Variants in SNAI3 observed in about 807,000 individuals in gnomAD.
The protein encoded by SNAI3 is zinc finger protein SNAI3.
A neutral mutation model predicts 16.4 loss-of-function variants in SNAI3; 21 were observed. That is an observed-to-expected ratio of 1.28 (90% CI 0.91 to 1.85). SNAI3 has a LOEUF of 1.85. Among genes scored for constraint, SNAI3 ranks in the 40% most tolerant of loss-of-function variants. The pLI is 0.00. For missense variants in SNAI3, 457 were observed against 372.8 expected (o/e 1.23, Z -1.86); for synonymous variants, 202 against 166.6 (o/e 1.21, Z -1.64).
rs778361167 is a variant in SNAI3, at chr16:88,681,383, C to A, written c.408G>T (p.Pro136=). Residue 136 remains proline (P), a synonymous_variant, in exon 2 of 3, where the codon CCG becomes CCT. Transcript: ENST00000332281. This position sits in a 1 kb window ranked among gnomAD's most constrained non-coding sequence, Gnocchi z 5.4. ...TCCGCTCAGCCCCAAGCAGTTTTTCCGGAGCCCCGTGCCGGTCTGGGCCCA... is the reference window on the plus strand; with the variant it reads ...TCCGCTCAGCCCCAAGCAGTTTTTCAGGAGCCCCGTGCCGGTCTGGGCCCA... ...PTLGPDRHGA[P]EKLLGAERMP... The A allele has an allele frequency of 6.2e-7, 1 of 1,612,516 alleles. No individual in the cohort carries two copies. Among genetic ancestry groups the A allele is most frequent in the Non-Finnish European group, 8.5e-7 (1 of 1,179,302 alleles).
chr16:88,684,002 A>G (rs1909270864), intron 1 of SNAI3, among the ~76,000 whole-genome samples: 1 of 152,192 alleles, frequency 6.6e-6, no homozygotes, highest in South Asian at 2.1e-4. Flanking sequence ...AAAAATTGAC[A>G]ATAACCAGTG....
intron 2 of SNAI3, among the ~76,000 whole-genome samples, chr16:88,680,826 C>G (rs1183265664): frequency 6.6e-6 from 1 of 152,146 alleles, no homozygotes; most frequent in Non-Finnish European, 1.5e-5. Flanking sequence ...GAACCCCTGG[C>G]TTGAAGTGAT....
Position 88,681,885 on chromosome 16 carries a change from G to T in SNAI3, c.77-171C>A, listed in dbSNP as rs932786696. Among the ~76,000 whole-genome samples the T allele has an allele frequency of 6.6e-6, 1 of 152,202 alleles. No individual in the cohort carries two copies. The highest frequency in any genetic ancestry group is 1.5e-5 in the Non-Finnish European group (1 of 68,034). On this transcript the variant is annotated intron_variant, in intron 1 of 2. Coordinates refer to ENST00000332281, the MANE Select transcript of SNAI3 (RefSeq NM_178310.4). This position sits in a 1 kb window ranked among gnomAD's most constrained non-coding sequence, Gnocchi z 5.4. ...CTTGCAAGGGAGCTGGCGGTGCTGT[G>T]CAGGGAAGTGACAGCGTGGCCAGGA...
At chr16:88,683,692 G>C (rs543222637) in intron 1 of SNAI3, among the ~76,000 whole-genome samples, 1 of 151,954 alleles carries the variant, frequency 6.6e-6, no homozygotes, top group African/African-American at 2.4e-5. Context: ...TGATAGCTGG[G>C]ATTACAGACA....
chr16:88,683,763 G>A (rs1241262153), intron 1 of SNAI3, among the ~76,000 whole-genome samples: 1 of 151,742 alleles, frequency 6.6e-6, no homozygotes, highest in Non-Finnish European at 1.5e-5. Context: ...TGCCACATTG[G>A]CCAGACTCGT....
At chr16:88,679,697 G>T (rs1398142885) in intron 2 of SNAI3, among the ~76,000 whole-genome samples, 2 of 145,758 alleles carry the variant, frequency 1.4e-5, no homozygotes, top group Non-Finnish European at 3.0e-5. Flanking sequence ...AGGAGGCGGG[G>T]CTTGCAGTGA....
In SNAI3 at chr16:88,681,301, G is replaced by C. The variant is rs780826279; in HGVS notation, c.490C>G (p.Leu164Val). 1.2e-6 allele frequency: 2 copies of C among 1,613,324 alleles called. No homozygotes were observed. The highest frequency in any genetic ancestry group is 2.2e-5 in the East Asian group (1 of 44,864). The part of the protein sequence containing the change: ...CFHCHKPYHT[L>V]AGLARHRQLH... Reference sequence around the variant, plus strand: ...TGCCGGTGCCTGGCCAGCCCGGCCAGCGTGTGGTAGGGTTTGTGGCAGTGG... The same window carrying C: ...TGCCGGTGCCTGGCCAGCCCGGCCACCGTGTGGTAGGGTTTGTGGCAGTGG... Residue 164 changes from leucine (L) to valine (V), a missense_variant, in exon 2 of 3, where the codon CTG becomes GTG. Leu to Val is a conservative substitution (Grantham distance 32). Transcript: ENST00000332281. This position sits in a 1 kb window ranked among gnomAD's most constrained non-coding sequence, Gnocchi z 5.4.
chr16:88,683,729 G>A (rs1294950741), intron 1 of SNAI3, among the ~76,000 whole-genome samples: 1 of 151,900 alleles, frequency 6.6e-6, no homozygotes, highest in Non-Finnish European at 1.5e-5. Flanking sequence ...GCTAATTTTT[G>A]TATGTTTAGT....
chr16:88,682,632 T>C (rs572291403), intron 1 of SNAI3, among the ~76,000 whole-genome samples: 18 of 152,132 alleles, frequency 1.2e-4, no homozygotes, highest in African/African-American at 4.1e-4. Flanking sequence ...AGACAACCCA[T>C]AGAATAGGAG....
At chr16:88,678,845 T>C in intron 2 of SNAI3, 4 of 985,394 alleles carry the variant, frequency 4.1e-6, no homozygotes, top group Non-Finnish European at 4.8e-6. Context: ...TCTCCTAGTG[T>C]TGCTGCAGTA....
chr16:88,678,848 C>T, intron 2 of SNAI3: 4 of 985,450 alleles, frequency 4.1e-6, no homozygotes, highest in Non-Finnish European at 4.8e-6. Context: ...CCTAGTGTTG[C>T]TGCAGTAGCC....
chr16:88,685,390 T>TAA (rs1258678117), intron 1 of SNAI3: 1 of 152,182 alleles, frequency 6.6e-6, no homozygotes, highest in Non-Finnish European at 1.5e-5. Flanking sequence ...TGAGCTGGGA[T>TAA]AAAGGCCTCT....
At chr16:88,679,753 C>T (rs1487505872) in intron 2 of SNAI3, among the ~76,000 whole-genome samples, 18 of 64,962 alleles carry the variant, frequency 2.8e-4, no homozygotes, top group African/African-American at 1.1e-3. Flanking sequence ...AAGAGTGAGA[C>T]TCTGTCTCAA....
chr16:88,686,111 C>T (rs1909349593), intron 1 of SNAI3: 2 of 568,718 alleles, frequency 3.5e-6, no homozygotes, highest in Non-Finnish European at 3.1e-6. Flanking sequence ...GGGAGAGAAT[C>T]CCGCCCGCCC....
chr16:88,682,784 T>TC (rs1909221185), intron 1 of SNAI3, among the ~76,000 whole-genome samples: 1 of 125,768 alleles, frequency 8.0e-6, no homozygotes, highest in Admixed American at 7.7e-5. Context: ...TTTTTTTTTT[T>TC]TTTTTTTTAG....
At position 88,678,241 on chromosome 16, in the gene SNAI3, C is replaced by T. The variant is rs1333751939; in HGVS notation, c.*207G>A. ...GAGAGGAGTCTCCTCTGAGTGGGCT[C>T]CGCGCGGTGGGATGCCTGGGGGAGT... On this transcript the variant is annotated 3_prime_UTR_variant, in exon 3 of 3. Transcript: ENST00000332281. The T allele has an allele frequency of 1.3e-5, 7 of 553,702 alleles. No homozygotes were observed. Among genetic ancestry groups the T allele is most frequent in the Non-Finnish European group, 1.9e-5 (6 of 311,258 alleles). 34.3% of individuals were successfully genotyped at this position (553,702 alleles called of 1,614,324 possible).
rs71158747 is a variant in SNAI3 at position 88,682,762 on chromosome 16, ATTTTTTTTTT to A, written c.77-1058_77-1049del. Among the ~76,000 whole-genome samples the A allele has an allele frequency of 3.9e-3, 238 of 60,710 alleles. 7 individuals carry two copies. Among genetic ancestry groups the A allele is most frequent in the African/African-American group, 0.013 (214 of 16,836 alleles). 39.8% of individuals were successfully genotyped at this position (60,710 alleles called of 152,430 possible). ...AATACAATTTTAATATGGGCAAGGG[ATTTTTTTTTT>A]TTTTTTTTTTTTTTTTTTTTAGAGA... is the stretch of plus-strand genomic sequence containing the variant. On this transcript the variant is annotated intron_variant, in intron 1 of 2. Transcript: ENST00000332281.
At chr16:88,682,612 G>A (rs181213741) in intron 1 of SNAI3, among the ~76,000 whole-genome samples, 1 of 152,242 alleles carries the variant, frequency 6.6e-6, no homozygotes, top group Non-Finnish European at 1.5e-5. Context: ...CTGAGGCTTT[G>A]GGTAGAGACA....
In SNAI3 at chr16:88,681,761, C is replaced by G; in HGVS notation, c.77-47G>C. The G allele has an allele frequency of 7.3e-7, 1 of 1,376,024 alleles. No individual in the cohort carries two copies. Among genetic ancestry groups the G allele is most frequent in the Non-Finnish European group, 9.4e-7 (1 of 1,061,212 alleles). The allele number at this position is 1,376,024 out of a possible 1,614,324, so 85.2% of individuals were successfully genotyped here. ...AATAGAAAGATGAAGACTGAATCCC[C>G]AGCACTTTGTGTTTTCCAACTCTGA... On this transcript the variant is annotated intron_variant, in intron 1 of 2. Coordinates refer to ENST00000332281, the MANE Select transcript of SNAI3 (RefSeq NM_178310.4). The surrounding 1 kb of genome is among the most constrained non-coding windows in gnomAD (Gnocchi z 5.4).
Sources: allele counts gnomAD v4.1 joint callset (sites outside exome capture counted in the v4.1 genomes callset), GRCh38; gene constraint gnomAD v4.1.1; non-coding constraint Gnocchi (gnomAD v3.1); transcripts MANE v1.5; gene names NCBI Gene and HGNC (gene_info 2026-07-23, HGNC 2026-07-21).